The following SPAG16 variants were observed in gnomAD, a reference collection of about 807,000 sequenced individuals.
The protein encoded by SPAG16 is sperm-associated antigen 16 protein.
Under a neutral mutation model 80.4 loss-of-function variants are expected in SPAG16, and 86 were observed. The observed-to-expected ratio is 1.07, with a 90% CI of 0.90 to 1.28. The LOEUF is 1.28. Among genes scored for constraint, SPAG16 ranks in the 50% most tolerant of loss-of-function variants. SPAG16 has a pLI of 0.00. For missense variants in SPAG16, 870 were observed against 765.3 expected, an observed-to-expected ratio of 1.14 and a Z score of -1.61; for synonymous variants, 294 against 265.9, an observed-to-expected ratio of 1.11 and a Z score of -1.03.
chr2:214,159,018 G>T (rs1006594260), intron 15 of SPAG16, among the ~76,000 whole-genome samples: 1 of 151,968 alleles, frequency 6.6e-6, no homozygotes, highest in South Asian at 2.1e-4. Flanking sequence ...TATCTATGTG[G>T]CAAGTATGAG....
At chr2:214,327,921 AATTG>A (rs1262894182) in intron 15 of SPAG16, among the ~76,000 whole-genome samples, 8 of 152,298 alleles carry the variant, frequency 5.3e-5, no homozygotes, top group African/African-American at 1.9e-4. Flanking sequence ...TCACTTATCT[AATTG>A]ATACTAGAGT....
chr2:213,875,628 A>C (rs1174358841), intron 11 of SPAG16, among the ~76,000 whole-genome samples: 1 of 152,158 alleles, frequency 6.6e-6, no homozygotes, highest in African/African-American at 2.4e-5. Context: ...TTTAAAACAA[A>C]AGGGACCAGA....
chr2:214,282,957 C>T (rs1451125946), intron 15 of SPAG16, among the ~76,000 whole-genome samples: 1 of 152,052 alleles, frequency 6.6e-6, no homozygotes, highest in Non-Finnish European at 1.5e-5. Flanking sequence ...AAAAGGATCA[C>T]AGCAGGTTCA....
At chr2:213,713,904 GTTC>G (rs773769244) in intron 10 of SPAG16, among the ~76,000 whole-genome samples, 5 of 152,136 alleles carry the variant, frequency 3.3e-5, no homozygotes, top group African/African-American at 4.8e-5. Flanking sequence ...ATAAAATCAT[GTTC>G]TTCTTACATT....
At chr2:214,341,975 A>C (rs1450845533) in intron 15 of SPAG16, among the ~76,000 whole-genome samples, 1 of 152,084 alleles carries the variant, frequency 6.6e-6, no homozygotes, top group East Asian at 1.9e-4. Context: ...ACAAGATAAA[A>C]CTGACTAAAA....
intron 4 of SPAG16, among the ~76,000 whole-genome samples, chr2:213,314,243 A>C (rs567038250): frequency 4.4e-4 from 67 of 152,062 alleles, no homozygotes; most frequent in Middle Eastern, 6.8e-3. Flanking sequence ...CAGTTTTATT[A>C]GTGATAATTT....
chr2:213,680,282 T>G (rs936427533), intron 10 of SPAG16, among the ~76,000 whole-genome samples: 1 of 152,110 alleles, frequency 6.6e-6, no homozygotes, highest in Admixed American at 6.6e-5. Flanking sequence ...CTGGGGGACC[T>G]TATCCACAGG....
At chr2:213,481,260 A>G (rs2073734840) in intron 9 of SPAG16, among the ~76,000 whole-genome samples, 1 of 152,224 alleles carries the variant, frequency 6.6e-6, no homozygotes, top group Non-Finnish European at 1.5e-5. Context: ...ACATGCTGCT[A>G]GGTAAGAGGA....
At chr2:213,321,915 G>A (rs1199655977) in intron 5 of SPAG16, among the ~76,000 whole-genome samples, 1 of 152,046 alleles carries the variant, frequency 6.6e-6, no homozygotes, top group East Asian at 1.9e-4. Flanking sequence ...CTATTGAAAT[G>A]TAGACCAATT....
At chr2:213,373,915 A>G (rs1414889438) in intron 8 of SPAG16, among the ~76,000 whole-genome samples, 1 of 152,166 alleles carries the variant, frequency 6.6e-6, no homozygotes, top group African/African-American at 2.4e-5. Flanking sequence ...TTGAAGGGGA[A>G]AATATAATAA....
chr2:214,255,555 T>C (rs923162410), intron 15 of SPAG16, among the ~76,000 whole-genome samples: 3 of 151,986 alleles, frequency 2.0e-5, no homozygotes, highest in African/African-American at 7.2e-5. Context: ...ACACATATTA[T>C]TGATTAGAGT....
chr2:213,968,012 T>C (rs1477452071), intron 12 of SPAG16, among the ~76,000 whole-genome samples: 1 of 152,190 alleles, frequency 6.6e-6, no homozygotes, highest in Non-Finnish European at 1.5e-5. Context: ...CAACATACTG[T>C]GTGGAATTAT....
At chr2:213,944,686 T>C (rs2079363353) in intron 12 of SPAG16, among the ~76,000 whole-genome samples, 1 of 152,148 alleles carries the variant, frequency 6.6e-6, no homozygotes, top group Non-Finnish European at 1.5e-5. Context: ...GGGCTGGGAA[T>C]GGAGTGCTAT....
intron 10 of SPAG16, among the ~76,000 whole-genome samples, chr2:213,577,594 A>G (rs2060171299): frequency 6.6e-6 from 1 of 152,148 alleles, no homozygotes; most frequent in African/African-American, 2.4e-5. Flanking sequence ...GGAGGATCCA[A>G]TCCTGACACT....
intron 10 of SPAG16, among the ~76,000 whole-genome samples, chr2:213,572,203 G>A (rs2059935878): frequency 4.7e-5 from 4 of 85,782 alleles, no homozygotes; most frequent in Admixed American, 1.3e-4. Flanking sequence ...GTAGCTCAGA[G>A]TAATTTGATC....
intron 14 of SPAG16, among the ~76,000 whole-genome samples, chr2:214,125,657 A>T (rs1186938276): frequency 6.6e-6 from 1 of 151,818 alleles, no homozygotes; most frequent in African/African-American, 2.4e-5. Flanking sequence ...ATCAAATTAT[A>T]GATTTTGGAT....
chr2:214,134,877 C>T (rs921012996), intron 14 of SPAG16, among the ~76,000 whole-genome samples: 10 of 152,234 alleles, frequency 6.6e-5, no homozygotes, highest in East Asian at 1.9e-4. Context: ...CATTGTTAAC[C>T]TCATCATTAA....
At chr2:213,805,688 A>C (rs1051635347) in intron 10 of SPAG16, among the ~76,000 whole-genome samples, 1 of 152,196 alleles carries the variant, frequency 6.6e-6, no homozygotes, top group Non-Finnish European at 1.5e-5. Context: ...GAGCCCTTCC[A>C]ACTCCTCCAT....
chr2:213,532,834 A>G (rs956507382), intron 10 of SPAG16, among the ~76,000 whole-genome samples: 9 of 152,174 alleles, frequency 5.9e-5, no homozygotes, highest in African/African-American at 2.2e-4. Flanking sequence ...AGTATTTCAA[A>G]CCATATAATA....
Sources: gnomAD v4.1 joint callset for allele counts (sites outside exome capture counted in the v4.1 genomes callset) on GRCh38, gnomAD v4.1.1 for gene constraint, MANE v1.5 for transcripts, NCBI Gene and HGNC (gene_info 2026-07-23, HGNC 2026-07-21) for gene names.